The following GNG2 variants were observed in gnomAD, a reference collection of about 807,000 sequenced individuals.
GNG2 encodes the protein guanine nucleotide-binding protein G(I)/G(S)/G(O) subunit gamma-2.
A neutral mutation model predicts 5.5 loss-of-function variants in GNG2; 5 were observed. The ratio of observed to expected loss-of-function variants is 0.91; its 90% confidence interval spans 0.48 to 1.92. GNG2 has a LOEUF of 1.92. Among genes scored for constraint, GNG2 ranks in the 30% most tolerant of loss-of-function variants. The probability of loss-of-function intolerance (pLI) is 0.01; values close to 1 mark genes in which losing one functional copy is unlikely to be tolerated. For synonymous variants in GNG2, 28 were observed against 32.0 expected (o/e 0.88, Z 0.42); for missense variants, 55 against 88.4 (o/e 0.62, Z 1.52).
chr14:51,857,597 C>G (rs554481329), upstream of GNG2, among the ~76,000 whole-genome samples: 33 of 151,856 alleles, frequency 2.2e-4, no homozygotes, highest in South Asian at 1.0e-3. Flanking sequence ...GGTAGGAGGA[C>G]AAAGTAGAAA....
intron 2 of GNG2, among the ~76,000 whole-genome samples, chr14:51,925,638 G>T (rs955873301): frequency 1.3e-5 from 2 of 152,060 alleles, no homozygotes; most frequent in African/African-American, 4.8e-5. Context: ...TTGAGACAGG[G>T]TCTCACTCTA....
intron 1 of GNG2, chr14:51,861,300 G>A (rs1021885532): frequency 6.6e-6 from 1 of 152,036 alleles, no homozygotes; most frequent in African/African-American, 2.4e-5. Flanking sequence ...CGTATGTGAG[G>A]GGCAGTATTT....
At chr14:51,857,790 G>A (rs1882231209), upstream of GNG2, among the ~76,000 whole-genome samples, 1 of 152,160 alleles carries the variant, frequency 6.6e-6, no homozygotes, top group African/African-American at 2.4e-5. Context: ...TTCCTGATGT[G>A]GGCAACTGGT....
At chr14:51,866,556 G>GAAAC (rs1380711078) in intron 1 of GNG2, among the ~76,000 whole-genome samples, 1 of 152,014 alleles carries the variant, frequency 6.6e-6, no homozygotes, top group Non-Finnish European at 1.5e-5. Context: ...AGGTAACCCA[G>GAAAC]AAACAACAGA....
intron 1 of GNG2, among the ~76,000 whole-genome samples, chr14:51,827,330 C>A (rs117026756): frequency 0.019 from 2,955 of 152,306 alleles, 51 homozygotes; most frequent in South Asian, 0.032. Flanking sequence ...TCAATATCAC[C>A]TGGGAACTTG....
At chr14:51,849,885 T>C (rs1424754364) in intron 2 of GNG2, among the ~76,000 whole-genome samples, 1 of 151,366 alleles carries the variant, frequency 6.6e-6, no homozygotes, top group Non-Finnish European at 1.5e-5. Flanking sequence ...TTGCAGCTCA[T>C]TGCAGCCTCT....
At chr14:51,858,992 A>G (rs1025673941), upstream of GNG2, among the ~76,000 whole-genome samples, 1 of 152,190 alleles carries the variant, frequency 6.6e-6, no homozygotes, top group African/African-American at 2.4e-5. Context: ...TAGAAATTAA[A>G]TTCTGTACCT....
chr14:51,937,022 C>T (rs1274281792), intron 2 of GNG2, among the ~76,000 whole-genome samples: 1 of 152,180 alleles, frequency 6.6e-6, no homozygotes, highest in East Asian at 1.9e-4. Flanking sequence ...CAGGGTATTT[C>T]TCTATCAGCA....
At chr14:51,947,714 G>C (rs1427327313) in intron 2 of GNG2, among the ~76,000 whole-genome samples, 1 of 152,130 alleles carries the variant, frequency 6.6e-6, no homozygotes, top group African/African-American at 2.4e-5. Flanking sequence ...ATATATTACA[G>C]CAGCAATAGA....
chr14:51,842,471 G>A (rs971537224), intron 2 of GNG2, among the ~76,000 whole-genome samples: 6 of 152,106 alleles, frequency 3.9e-5, no homozygotes, highest in African/African-American at 7.2e-5. Context: ...GCAGGGCTCC[G>A]CACACGCAAA....
intron 2 of GNG2, among the ~76,000 whole-genome samples, chr14:51,941,282 C>G (rs890164456): frequency 2.6e-5 from 4 of 152,110 alleles, no homozygotes; most frequent in Admixed American, 6.5e-5. Context: ...ATTGGAACAT[C>G]GTGAAATTAG....
At chr14:51,929,999 A>C (rs191109504) in intron 2 of GNG2, among the ~76,000 whole-genome samples, 1 of 152,182 alleles carries the variant, frequency 6.6e-6, no homozygotes, top group East Asian at 1.9e-4. Context: ...TAGAAATTCC[A>C]TAATGTTTCT....
chr14:51,879,780 A>G (rs1222769713), intron 2 of GNG2, among the ~76,000 whole-genome samples: 1 of 152,202 alleles, frequency 6.6e-6, no homozygotes, highest in Non-Finnish European at 1.5e-5. Context: ...ACATACCTGG[A>G]TAAGCCAGGC....
chr14:51,878,364 C>T (rs576788087), intron 2 of GNG2, among the ~76,000 whole-genome samples: 6 of 152,078 alleles, frequency 3.9e-5, no homozygotes, highest in African/African-American at 9.6e-5. Context: ...ATATAATGAA[C>T]GCCTACATCC....
intron 2 of GNG2, among the ~76,000 whole-genome samples, chr14:51,834,844 C>T (rs902686137): frequency 2.0e-5 from 3 of 152,126 alleles, no homozygotes; most frequent in Non-Finnish European, 4.4e-5. Context: ...TCGGGGCATT[C>T]GATTTATTTG....
chr14:51,944,153 CA>C, intron 2 of GNG2, among the ~76,000 whole-genome samples: 1 of 152,118 alleles, frequency 6.6e-6, no homozygotes, highest in Non-Finnish European at 1.5e-5. Flanking sequence ...CATATATGGT[CA>C]AATGATTTTT....
At position 51,967,834 on chromosome 14, in the gene GNG2, C is replaced by G. The variant is rs531772844; in HGVS notation, c.*1147C>G. On this transcript the variant is annotated 3_prime_UTR_variant, in exon 4 of 4. Transcript: ENST00000556766. ...AAAGAACATTTTTTTGTGCTCTTAA[C>G]AAGAAAACCATGGCCCTCCTTTGTT... 11 of 152,110 alleles carry G rather than the reference C, an allele frequency of 7.2e-5. No individual in the cohort carries two copies. The highest frequency in any genetic ancestry group is 2.7e-4 in the African/African-American group (11 of 41,468). 9.4% of individuals were successfully genotyped at this position (152,110 alleles called of 1,614,324 possible).
Position 51,908,736 on chromosome 14 carries a change from A to ATTTTTTT in GNG2, c.-30+31096_-30+31102dup, listed in dbSNP as rs3030340. On this transcript the variant is annotated intron_variant, in intron 2 of 3. Transcript: ENST00000556766. ...AGGCGTGCGCCACCACACCCAGCTA[A>ATTTTTTT]TTTTTTTTTTTTTTTTTTTTTTTAG... Among the ~76,000 whole-genome samples, 410 of 89,848 alleles carry ATTTTTTT rather than the reference A, an allele frequency of 4.6e-3. 37 individuals carry two copies. Among genetic ancestry groups the ATTTTTTT allele is most frequent in the African/African-American group, 0.013 (317 of 23,838 alleles). The allele number at this position is 89,848 out of a possible 152,430, so 58.9% of individuals were successfully genotyped here.
chr14:51,903,970 C>A (rs1395355657), intron 2 of GNG2, among the ~76,000 whole-genome samples: 1 of 152,218 alleles, frequency 6.6e-6, no homozygotes, highest in East Asian at 1.9e-4. Flanking sequence ...TAGTCAGCAG[C>A]TTTGGTGAAC....
Sources: gnomAD v4.1 joint callset for allele counts (sites outside exome capture counted in the v4.1 genomes callset) on GRCh38, gnomAD v4.1.1 for gene constraint, MANE v1.5 for transcripts, NCBI Gene and HGNC (gene_info 2026-07-23, HGNC 2026-07-21) for gene names.